FEZ2: variants seen among roughly 807,000 people sequenced by gnomAD.
FEZ2 encodes the protein fasciculation and elongation protein zeta-2.
FEZ2 carries 51 observed loss-of-function variants against 40.4 expected under a neutral mutation model. The observed-to-expected ratio is 1.26, with a 90% CI of 1.01 to 1.59. The LOEUF is 1.59. Ranked by LOEUF, FEZ2 falls within the 40% of genes most tolerant of loss-of-function variation. The probability of loss-of-function intolerance (pLI) is 0.00; values close to 1 mark genes in which losing one functional copy is unlikely to be tolerated. For synonymous variants in FEZ2, 242 were observed against 172.0 expected, an observed-to-expected ratio of 1.41 and a Z score of -3.18; for missense variants, 640 against 438.3, an observed-to-expected ratio of 1.46 and a Z score of -4.11.
At chr2:36,564,787 C>A (rs1668187466) in intron 5 of FEZ2, among the ~76,000 whole-genome samples, 1 of 152,152 alleles carries the variant, frequency 6.6e-6, no homozygotes, top group Non-Finnish European at 1.5e-5. Context: ...CACGCCACAG[C>A]TAGTGTGCAG....
chr2:36,556,388 C>T (rs1478177783), intron 6 of FEZ2: 1 of 156,242 alleles, frequency 6.4e-6, no homozygotes, highest in African/African-American at 2.4e-5. Context: ...AAGCAGCCAC[C>T]TAGTATAACG....
At chr2:36,566,289 G>A (rs910857606) in intron 5 of FEZ2, among the ~76,000 whole-genome samples, 8 of 150,082 alleles carry the variant, frequency 5.3e-5, no homozygotes, top group East Asian at 2.0e-4. Flanking sequence ...GCAGTGAGCC[G>A]AGATCGCGCC....
intron 6 of FEZ2, 165 bp from the exon 7 acceptor site, chr2:36,555,913 C>A: frequency 1.5e-6 from 1 of 676,350 alleles, no homozygotes; most frequent in African/African-American, 1.8e-5. Context: ...AATAAAGGCC[C>A]AATAATTTAT....
At chr2:36,570,125 T>C (rs1668366106) in intron 5 of FEZ2, among the ~76,000 whole-genome samples, 1 of 152,052 alleles carries the variant, frequency 6.6e-6, no homozygotes, top group Non-Finnish European at 1.5e-5. Flanking sequence ...AGTTAAGATA[T>C]TATTTAAGAT....
At chr2:36,597,615 A>T (rs193047234) in intron 1 of FEZ2, among the ~76,000 whole-genome samples, 176 of 152,276 alleles carry the variant, frequency 1.2e-3, no homozygotes, top group African/African-American at 4.0e-3. Flanking sequence ...ATTCCCTTCT[A>T]ATACAAACGA....
At chr2:36,554,260 G>A in intron 7 of FEZ2, 1 of 471,146 alleles carries the variant, frequency 2.1e-6, no homozygotes, top group Non-Finnish European at 4.4e-6. Flanking sequence ...CACAATTATA[G>A]TCCTAGGTTT....
At chr2:36,592,313 T>C (rs758332431) in intron 1 of FEZ2, among the ~76,000 whole-genome samples, 4 of 152,114 alleles carry the variant, frequency 2.6e-5, no homozygotes, top group Non-Finnish European at 5.9e-5. Flanking sequence ...GGGCAGGATG[T>C]GCAGGTTTGT....
At chr2:36,555,831 A>G in intron 6 of FEZ2, 83 bp from the exon 7 acceptor site, 1 of 775,166 alleles carries the variant, frequency 1.3e-6, no homozygotes. Flanking sequence ...TTGTGGCCTT[A>G]ATCTTCCTTA....
At chr2:36,579,021 C>G in intron 4 of FEZ2, 156 bp from the exon 5 acceptor site, 1 of 640,800 alleles carries the variant, frequency 1.6e-6, no homozygotes, top group Non-Finnish European at 2.7e-6. Flanking sequence ...TGTGGGTGAT[C>G]TTCTCAGAAT....
At chr2:36,597,438 T>C (rs1053030366) in intron 1 of FEZ2, among the ~76,000 whole-genome samples, 6 of 152,200 alleles carry the variant, frequency 3.9e-5, no homozygotes, top group African/African-American at 1.4e-4. Context: ...CGTTGTGTCC[T>C]AAGTGGGAGG....
At chr2:36,566,562 T>C (rs1274378329) in intron 5 of FEZ2, among the ~76,000 whole-genome samples, 1 of 152,226 alleles carries the variant, frequency 6.6e-6, no homozygotes, top group African/African-American at 2.4e-5. Context: ...AGGAGGCATC[T>C]GACTGATAGT....
chr2:36,569,779 G>C (rs1668356821), intron 5 of FEZ2, among the ~76,000 whole-genome samples: 1 of 152,002 alleles, frequency 6.6e-6, no homozygotes, highest in Admixed American at 6.6e-5. Flanking sequence ...GACACCAACT[G>C]GTACAGATTT....
At chr2:36,595,918 A>G (rs1180626904) in intron 1 of FEZ2, among the ~76,000 whole-genome samples, 1 of 152,228 alleles carries the variant, frequency 6.6e-6, no homozygotes, top group Non-Finnish European at 1.5e-5. Context: ...TAAGTGAAAC[A>G]AAAACTCTTA....
intron 4 of FEZ2, among the ~76,000 whole-genome samples, chr2:36,580,014 G>A (rs773023452): frequency 6.6e-6 from 1 of 152,058 alleles, no homozygotes; most frequent in Non-Finnish European, 1.5e-5. Flanking sequence ...GAAGACATAG[G>A]GAAAAGGCAG....
chr2:36,564,205 C>T lies in FEZ2; in HGVS notation c.904-5692G>A, dbSNP rs78800610. ...AGCTTCACTCTGCATGTTTAATGGCCAATTGGACATCTGTACCTATTGTAT... is the reference window on the plus strand; with the variant it reads ...AGCTTCACTCTGCATGTTTAATGGCTAATTGGACATCTGTACCTATTGTAT... On this transcript the variant is annotated intron_variant, in intron 5 of 7. Coordinates refer to ENST00000405912, the MANE Select transcript of FEZ2 (RefSeq NM_005102.3). 9.1e-4 allele frequency among the ~76,000 whole-genome samples: 138 copies of T among 152,226 alleles called. 2 individuals are homozygous for T. In the East Asian group the frequency reaches 0.025, roughly 27 times the overall value.
chr2:36,594,657 T>C (rs921238582), intron 1 of FEZ2: 2 of 153,034 alleles, frequency 1.3e-5, no homozygotes, highest in African/African-American at 4.8e-5. Context: ...CAATTCAAGT[T>C]GAGATTTGGG....
At chr2:36,582,219 C>A (rs1016247020) in intron 3 of FEZ2, among the ~76,000 whole-genome samples, 1 of 131,186 alleles carries the variant, frequency 7.6e-6, no homozygotes, top group Non-Finnish European at 1.6e-5. Flanking sequence ...GAAAAAAGGA[C>A]CTAAAGTTAA....
chr2:36,554,364 A>C, intron 7 of FEZ2: 2 of 468,534 alleles, frequency 4.3e-6, no homozygotes, highest in South Asian at 3.1e-5. Context: ...AAATAGCTAG[A>C]GAATGCTTCA....
Position 36,552,606 on chromosome 2 carries a change from C to A in FEZ2, c.*557G>T, listed in dbSNP as rs1667842524. 4 of 240,422 alleles carry A rather than the reference C, an allele frequency of 1.7e-5. No homozygotes were observed. The highest frequency in any genetic ancestry group is 2.3e-5 in the African/African-American group (1 of 43,122). The allele number at this position is 240,422 out of a possible 1,614,324, so 14.9% of individuals were successfully genotyped here. A position where few individuals can be genotyped will look rare whatever the true frequency, so the allele number is the denominator to read the frequency against. ...CAGCAAGCTACAAAATCCATCACCA[C>A]CAACAGTTTCAATGTTAGCACTAAG... On this transcript the variant is annotated 3_prime_UTR_variant, in exon 8 of 8. Transcript: ENST00000405912.
Sources: gnomAD v4.1 joint callset for allele counts (sites outside exome capture counted in the v4.1 genomes callset) on GRCh38, gnomAD v4.1.1 for gene constraint, MANE v1.5 for transcripts, NCBI Gene and HGNC (gene_info 2026-07-23, HGNC 2026-07-21) for gene names.